The following NOL4 variants were observed in gnomAD, a reference collection of about 807,000 sequenced individuals.
NOL4 encodes the protein nucleolar protein 4, also known as cancer/testis antigen 125.
In NOL4, 17 loss-of-function variants were observed where a neutral mutation model predicts 75.9. That is an observed-to-expected ratio of 0.22 (90% confidence interval 0.15 to 0.34). NOL4 has a LOEUF of 0.34. Among genes scored for constraint, NOL4 ranks in the 10% least tolerant of loss-of-function variants. NOL4 has a pLI of 1.00. For synonymous variants in NOL4, 292 were observed against 289.9 expected (o/e 1.01, Z -0.07); for missense variants, 614 against 793.5 (o/e 0.77, Z 2.72).
At chr18:33,979,940 G>T (rs116193195) in intron 6 of NOL4, among the ~76,000 whole-genome samples, 2,388 of 152,094 alleles carry the variant, frequency 0.016, 62 homozygotes, top group African/African-American at 0.054. Context: ...TGAATTACAA[G>T]TATTTAAATG....
At chr18:34,014,509 G>A (rs1393162330) in intron 6 of NOL4, among the ~76,000 whole-genome samples, 4 of 151,950 alleles carry the variant, frequency 2.6e-5, no homozygotes, top group Non-Finnish European at 4.4e-5. Context: ...GTGTTTTTAA[G>A]TATTCACTGC....
chr18:34,157,998 C>T (rs2030744292), intron 1 of NOL4, among the ~76,000 whole-genome samples: 1 of 152,106 alleles, frequency 6.6e-6, no homozygotes, highest in South Asian at 2.1e-4. Context: ...TATTAAGTAT[C>T]CCACCTATCA....
rs1330890907 is a variant in NOL4, at chr18:33,958,306, T to C, written c.1169A>G (p.Asp390Gly). The change falls in exon 7 of 11, where the codon GAC becomes GGC. Residue 390 changes from aspartate to glycine, a missense_variant. This residue lies in a region of NOL4 where 196 missense variants were observed against 167.9 expected (regional missense o/e 1.17). Coordinates refer to ENST00000261592, the MANE Select transcript of NOL4 (RefSeq NM_003787.5). ...RGDEDEDDHE[D>G]HDDSEKVNET... ...ATTAACTTTCTCCGAATCGTCATGG[T>C]CCTCGTGGTCATCTTCGTCCTCATC... 6.2e-7 allele frequency: 1 copy of C among 1,613,830 alleles called. No individual in the cohort carries two copies.
At chr18:34,222,882 A>C (rs2037422254) in intron 1 of NOL4, 108 bp downstream of exon 1, 2 of 1,446,462 alleles carry the variant, frequency 1.4e-6, no homozygotes, top group Middle Eastern at 2.0e-4. Flanking sequence ...TAGGGGGCAC[A>C]CGAGCCAACG....
chr18:34,222,207 G>A (rs1393278252), intron 1 of NOL4: 4 of 1,436,908 alleles, frequency 2.8e-6, no homozygotes, highest in Non-Finnish European at 3.6e-6. Flanking sequence ...CTAGAGCTTT[G>A]TGGCCATGAG....
intron 6 of NOL4, among the ~76,000 whole-genome samples, chr18:33,966,193 G>T (rs955495292): frequency 2.0e-5 from 3 of 152,020 alleles, no homozygotes; most frequent in East Asian, 3.9e-4. Flanking sequence ...TTAGAGAGGG[G>T]GCTGTTTTGA....
chr18:33,852,835 G>A lies in NOL4; in HGVS notation c.*7C>T, dbSNP rs199607416. On this transcript the variant is annotated 3_prime_UTR_variant, in exon 11 of 11. Transcript: ENST00000261592. ...TTAGACCTCAGTGAATATGGTGGTC[G>A]TCTGTCTCAGTTCTGTTGTAAAATG... 243 of 1,607,166 alleles carry A rather than the reference G, an allele frequency of 1.5e-4. 3 individuals are homozygous for A. Among genetic ancestry groups the A allele is most frequent in the Non-Finnish European group, 8.2e-5 (96 of 1,176,250 alleles).
chr18:34,167,991 A>C (rs2032593133), intron 1 of NOL4, among the ~76,000 whole-genome samples: 1 of 151,922 alleles, frequency 6.6e-6, no homozygotes. Flanking sequence ...GAGTTCCTGC[A>C]TTTTACATTT....
intron 10 of NOL4, 50 bp downstream of exon 10, chr18:33,883,194 C>T (rs766965782): frequency 1.4e-6 from 2 of 1,425,600 alleles, no homozygotes; most frequent in East Asian, 2.3e-5. Context: ...TACCCTAAAA[C>T]TTAAAGTATA....
chr18:34,099,362 C>CCAAAAAAAAAAAAAAAAA (rs2078935414), intron 4 of NOL4, among the ~76,000 whole-genome samples: 1 of 80,092 alleles, frequency 1.2e-5, no homozygotes. Flanking sequence ...GACTTTGTCT[C>CCAAAAAAAAAAAAAAAAA]AAAAAAAAAA....
intron 9 of NOL4, among the ~76,000 whole-genome samples, chr18:33,886,870 CATAT>C (rs2064716926): frequency 7.3e-6 from 1 of 137,592 alleles, no homozygotes; most frequent in Non-Finnish European, 1.5e-5. Flanking sequence ...TATCTATATA[CATAT>C]ATATCTATAT....
intron 5 of NOL4, among the ~76,000 whole-genome samples, chr18:34,020,025 C>G (rs2074948174): frequency 6.6e-6 from 1 of 151,986 alleles, no homozygotes; most frequent in East Asian, 1.9e-4. Flanking sequence ...GACAAACTGG[C>G]TCCCCTACAT....
chr18:34,223,031 C>T lies in NOL4; in HGVS notation c.223G>A (p.Gly75Ser), dbSNP rs746220512. 6.2e-7 allele frequency: 1 copy of T among 1,612,946 alleles called. No individual in the cohort carries two copies. ...GQPDEVRGGG[G>S]GAKQVLYVPV... ...ACGTAGAGCACTTGCTTGGCGCCGC[C>T]GCCTCCCCCGCGGACCTCGTCCGGC... Residue 75 changes from glycine to serine, a missense_variant, in exon 1 of 11, where the codon GGC becomes AGC. Around this residue, in one of 9 missense-constraint regions of NOL4, gnomAD observed 49 missense variants for 39.6 expected, o/e 1.24. Coordinates refer to ENST00000261592, the MANE Select transcript of NOL4 (RefSeq NM_003787.5).
intron 1 of NOL4, among the ~76,000 whole-genome samples, chr18:34,202,640 T>C (rs904656007): frequency 1.3e-5 from 2 of 151,972 alleles, no homozygotes; most frequent in African/African-American, 4.8e-5. Flanking sequence ...TCCATAAATG[T>C]TCTAACATGA....
intron 1 of NOL4, among the ~76,000 whole-genome samples, chr18:34,174,437 C>A (rs1402341378): frequency 1.3e-5 from 2 of 152,028 alleles, no homozygotes; most frequent in Admixed American, 6.6e-5. Flanking sequence ...GGTGAAAAAA[C>A]CTAAAAATTT....
intron 1 of NOL4, among the ~76,000 whole-genome samples, chr18:34,146,657 T>G (rs1220670971): frequency 6.6e-6 from 1 of 152,100 alleles, no homozygotes; most frequent in Non-Finnish European, 1.5e-5. Flanking sequence ...AGTCAGGTAG[T>G]GTGATGCCTC....
intron 10 of NOL4, among the ~76,000 whole-genome samples, chr18:33,863,705 A>C (rs1482435783): frequency 6.6e-6 from 1 of 152,150 alleles, no homozygotes; most frequent in East Asian, 1.9e-4. Flanking sequence ...CACATGGTGC[A>C]AGTTGTCAGT....
chr18:33,987,748 T>C, intron 6 of NOL4, among the ~76,000 whole-genome samples: 1 of 152,118 alleles, frequency 6.6e-6, no homozygotes, highest in East Asian at 1.9e-4. Flanking sequence ...TAAACACTGT[T>C]CTTTTCCCAG....
At chr18:33,922,804 G>A (rs2067116586) in intron 9 of NOL4, among the ~76,000 whole-genome samples, 2 of 152,078 alleles carry the variant, frequency 1.3e-5, no homozygotes, top group Non-Finnish European at 2.9e-5. Flanking sequence ...CATCAAAACT[G>A]TGCTTCCAAA....
Sources: allele counts gnomAD v4.1 joint callset (sites outside exome capture counted in the v4.1 genomes callset), GRCh38; gene constraint gnomAD v4.1.1; regional missense constraint gnomAD v4.1.1; transcripts MANE v1.5; gene names NCBI Gene and HGNC (gene_info 2026-07-23, HGNC 2026-07-21).